The following RCSD1 variants were observed in gnomAD, a reference collection of about 807,000 sequenced individuals.
The protein encoded by RCSD1 is capZ-interacting protein.
Under a neutral mutation model 42.5 loss-of-function variants are expected in RCSD1, and 26 were observed. That is an observed-to-expected ratio of 0.61 (90% confidence interval 0.45 to 0.85). The LOEUF is 0.85. Ranked by LOEUF, RCSD1 falls within the 40% of genes least tolerant of loss-of-function variation. The pLI, the probability that RCSD1 is intolerant of heterozygous loss-of-function variation, is 0.00. For synonymous variants in RCSD1, 220 were observed against 212.2 expected, an observed-to-expected ratio of 1.04 and a Z score of -0.32; for missense variants, 571 against 528.3, an observed-to-expected ratio of 1.08 and a Z score of -0.79.
intron 3 of RCSD1, among the ~76,000 whole-genome samples, chr1:167,685,957 C>A (rs1213830567): frequency 1.3e-5 from 2 of 152,136 alleles, no homozygotes; most frequent in East Asian, 1.9e-4. Context: ...TCTGCAGTAT[C>A]CTTGTAAAGC....
At chr1:167,698,470 A>G (rs1056587256) in intron 6 of RCSD1, among the ~76,000 whole-genome samples, 1 of 152,170 alleles carries the variant, frequency 6.6e-6, no homozygotes, top group Non-Finnish European at 1.5e-5. Flanking sequence ...ACTCTCTCTC[A>G]GGGATTGGGC....
At chr1:167,677,832 T>C (rs1658987657) in intron 1 of RCSD1, among the ~76,000 whole-genome samples, 1 of 152,356 alleles carries the variant, frequency 6.6e-6, no homozygotes, top group East Asian at 1.9e-4. Context: ...CAAAACTGTT[T>C]AGGGAAAAGA....
chr1:167,658,580 CA>C (rs1156740992), intron 1 of RCSD1, among the ~76,000 whole-genome samples: 1 of 152,136 alleles, frequency 6.6e-6, no homozygotes, highest in Non-Finnish European at 1.5e-5. Context: ...CACGTGCCAC[CA>C]CGCCTGGTTA....
In RCSD1 at chr1:167,706,614, G is replaced by A. The variant is rs1001714870; in HGVS notation, c.*1918G>A. Among the ~76,000 whole-genome samples, 3 of 152,142 alleles carry A rather than the reference G, an allele frequency of 2.0e-5. No homozygotes were observed. Among genetic ancestry groups the A allele is most frequent in the Non-Finnish European group, 2.9e-5 (2 of 68,018 alleles). ...AAAATGACAAGAATGTGACATTGCG[G>A]CACCATGCTTGTGGGCATCAGAATA... is the stretch of plus-strand genomic sequence containing the variant. On this transcript the variant is annotated 3_prime_UTR_variant, in exon 7 of 7. Transcript: ENST00000367854.
intron 1 of RCSD1, among the ~76,000 whole-genome samples, chr1:167,671,838 G>A (rs567293649): frequency 2.7e-4 from 41 of 152,320 alleles, no homozygotes; most frequent in African/African-American, 9.1e-4. Context: ...GCCTCATCTT[G>A]CACGCATGCT....
At chr1:167,699,535 G>A (rs1659590460) in intron 6 of RCSD1, among the ~76,000 whole-genome samples, 1 of 152,052 alleles carries the variant, frequency 6.6e-6, no homozygotes, top group African/African-American at 2.4e-5. Context: ...CACTGTTACT[G>A]TGTGTCTCAT....
chr1:167,701,889 GT>G (rs1365321187), intron 6 of RCSD1, among the ~76,000 whole-genome samples: 1 of 152,182 alleles, frequency 6.6e-6, no homozygotes, highest in Non-Finnish European at 1.5e-5. Context: ...GACCCCTTGA[GT>G]TATGGGCTTC....
chr1:167,690,617 T>G (rs1218943461), intron 4 of RCSD1, among the ~76,000 whole-genome samples: 1 of 152,180 alleles, frequency 6.6e-6, no homozygotes, highest in South Asian at 2.1e-4. Context: ...GAGACTGTAT[T>G]GAGCTGAGGT....
chr1:167,648,083 G>GTA (rs1658210926), intron 1 of RCSD1, among the ~76,000 whole-genome samples: 1 of 152,036 alleles, frequency 6.6e-6, no homozygotes, highest in South Asian at 2.1e-4. Context: ...TTTAATCAGT[G>GTA]TATATACAAC....
intron 1 of RCSD1, 69 bp from the exon 2 acceptor site, chr1:167,683,831 A>G: frequency 7.0e-7 from 1 of 1,425,866 alleles, no homozygotes; most frequent in South Asian, 1.2e-5. Flanking sequence ...TGCAGCCACA[A>G]AACAGGTGCC....
intron 1 of RCSD1, among the ~76,000 whole-genome samples, chr1:167,680,738 G>A (rs1341313484): frequency 6.6e-6 from 1 of 152,188 alleles, no homozygotes; most frequent in Non-Finnish European, 1.5e-5. Flanking sequence ...CTCCCAAAAT[G>A]CTGGGATTCC....
At chr1:167,695,374 T>C (rs1659473999) in intron 5 of RCSD1, among the ~76,000 whole-genome samples, 1 of 152,228 alleles carries the variant, frequency 6.6e-6, no homozygotes, top group Non-Finnish European at 1.5e-5. Context: ...GGGGCCTTGA[T>C]ACCTTCCAGA....
intron 1 of RCSD1, among the ~76,000 whole-genome samples, chr1:167,683,600 G>A (rs754900096): frequency 5.9e-5 from 9 of 152,150 alleles, no homozygotes; most frequent in Non-Finnish European, 1.2e-4. Flanking sequence ...TGGGGTCCTT[G>A]AGGAATGAGA....
rs546665239 is a variant in RCSD1, at chr1:167,691,396, T to C, written c.270+1276T>C. Among the ~76,000 whole-genome samples, 30 of 152,296 alleles carry C rather than the reference T, an allele frequency of 2.0e-4. 1 individual carries two copies. The highest frequency in any genetic ancestry group is 1.3e-3 in the Admixed American group (20 of 15,304). On this transcript the variant is annotated intron_variant, in intron 4 of 6. Transcript: ENST00000367854. ...AGCCCGTCCTTAAGGAATGCGTGGC[T>C]GAAAAGGTGGGAGGAAGATGTTCCC...
At chr1:167,657,069 G>A (rs1414660302) in intron 1 of RCSD1, among the ~76,000 whole-genome samples, 1 of 152,234 alleles carries the variant, frequency 6.6e-6, no homozygotes, top group African/African-American at 2.4e-5. Context: ...AGATGGGACT[G>A]ATAATACAAT....
intron 4 of RCSD1, among the ~76,000 whole-genome samples, chr1:167,690,573 C>A (rs73035724): frequency 0.017 from 2,644 of 152,212 alleles, 78 homozygotes; most frequent in African/African-American, 0.06. Context: ...ACTCTGAAGA[C>A]CGAGGTGAGA....
chr1:167,658,422 G>A (rs557195013), intron 1 of RCSD1, among the ~76,000 whole-genome samples: 28 of 151,892 alleles, frequency 1.8e-4, no homozygotes, highest in Middle Eastern at 3.4e-3. Flanking sequence ...TTTTGTTGTT[G>A]TTGTTTGTTT....
At chr1:167,657,199 A>C (rs537140269) in intron 1 of RCSD1, among the ~76,000 whole-genome samples, 1 of 152,128 alleles carries the variant, frequency 6.6e-6, no homozygotes, top group African/African-American at 2.4e-5. Context: ...TTTTTTCGAA[A>C]CTGGTGAATA....
intron 1 of RCSD1, among the ~76,000 whole-genome samples, chr1:167,644,788 CG>C (rs1019827282): frequency 3.3e-5 from 5 of 152,126 alleles, no homozygotes; most frequent in African/African-American, 1.2e-4. Flanking sequence ...AAAACAGCTG[CG>C]GGGATTGGAC....
Sources: gnomAD v4.1 joint callset for allele counts (sites outside exome capture counted in the v4.1 genomes callset) on GRCh38, gnomAD v4.1.1 for gene constraint, MANE v1.5 for transcripts, NCBI Gene and HGNC (gene_info 2026-07-23, HGNC 2026-07-21) for gene names.